KLK14: variants seen among roughly 807,000 people sequenced by gnomAD.
KLK14 encodes the protein kallikrein related peptidase 14, also known as kallikrein-14.
In KLK14, 21 loss-of-function variants were observed where a neutral mutation model predicts 24.6. That is an observed-to-expected ratio of 0.85 (90% confidence interval 0.61 to 1.23). The LOEUF (loss-of-function observed/expected upper bound fraction) is 1.23. Among genes scored for constraint, KLK14 ranks in the 50% most tolerant of loss-of-function variants. The pLI is 0.00. For synonymous variants in KLK14, 133 were observed against 139.7 expected (o/e 0.95, Z 0.34); for missense variants, 320 against 338.9 (o/e 0.94, Z 0.44).
In KLK14 at chr19:51,082,783, G is replaced by A. The variant is rs573709059; in HGVS notation, c.-84C>T. ...CAGAGAGGTAGGGACCAGAGACGAGGGGGGCGGGGCCTGCAGGCTCTGCGG... is the reference window on the plus strand; with the variant it reads ...CAGAGAGGTAGGGACCAGAGACGAGAGGGGCGGGGCCTGCAGGCTCTGCGG... On this transcript the variant is annotated 5_prime_UTR_variant, in exon 1 of 6. Transcript: ENST00000650543. The A allele has an allele frequency of 2.5e-6, 4 of 1,609,082 alleles. No homozygotes were observed. The highest frequency in any genetic ancestry group is 3.4e-5 in the Admixed American group (2 of 59,012).
Position 51,078,163 on chromosome 19 carries a change from AG to A in KLK14, c.604-5del. 6.2e-7 allele frequency: 1 copy of A among 1,613,066 alleles called. No individual in the cohort carries two copies. The highest frequency in any genetic ancestry group is 8.5e-7 in the Non-Finnish European group (1 of 1,179,614). On this transcript the variant is annotated splice_polypyrimidine_tract_variant and splice_region_variant and intron_variant, in intron 5 of 5. Coordinates refer to ENST00000650543, the MANE Select transcript of KLK14 (RefSeq NM_001369775.2). The surrounding 1 kb of genome is among the most constrained non-coding windows in gnomAD (Gnocchi z 5.0). ...CCAGGGGTCCCCCAGAGTCACCCTG[AG>A]GGGGAGGAACAGAAATGGAGACACT...
At position 51,079,522 on chromosome 19, in the gene KLK14, C is replaced by G. The variant is rs2091825829; in HGVS notation, c.393G>C (p.Glu131Asp). 2 of 1,613,814 alleles carry G rather than the reference C, an allele frequency of 1.2e-6. No individual in the cohort carries two copies. The highest frequency in any genetic ancestry group is 1.7e-5 in the Admixed American group (1 of 60,006). Residue 131 changes from glutamate (E) to aspartate (D), a missense_variant, in exon 4 of 6, where the codon GAG becomes GAC. Transcript: ENST00000650543. ...CGGGGCTGGCACAGGCCTGGGTGAC[C>G]TCAATGGGCCTGACTGCCCTCCCGA... Reference protein sequence around the residue: ...ARIGRAVRPIEVTQACASPGT... With the variant: ...ARIGRAVRPIDVTQACASPGT...
At chr19:51,083,385 GGAGA>G (rs147284214), upstream of KLK14, among the ~76,000 whole-genome samples, 7 of 136,108 alleles carry the variant, frequency 5.1e-5, no homozygotes, top group East Asian at 6.1e-4. Flanking sequence ...GTGACGGGGG[GGAGA>G]GAGAGAGAGA....
rs556767445 is a variant in KLK14 at position 51,078,240 on chromosome 19, C to CA, written c.604-82dup. ...TGGCACAGAGAACCCGAGAAGCAGA[C>CA]ACAGGGAGACAGGCAGAGACACTGG... On this transcript the variant is annotated intron_variant, in intron 5 of 5. Transcript: ENST00000650543. This position sits in a 1 kb window ranked among gnomAD's most constrained non-coding sequence, Gnocchi z 5.0. 2.7e-4 allele frequency: 383 copies of CA among 1,426,086 alleles called. 2 individuals carry two copies. In the South Asian group the frequency reaches 4.6e-3, roughly 17 times the overall value. The allele number at this position is 1,426,086 out of a possible 1,614,324, so 88.3% of individuals were successfully genotyped here.
upstream of KLK14, among the ~76,000 whole-genome samples, chr19:51,083,278 G>GAGAGAGC (rs2091851601): frequency 1.3e-5 from 1 of 79,134 alleles, no homozygotes; most frequent in Non-Finnish European, 2.6e-5. Flanking sequence ...ACGGGAGGAG[G>GAGAGAGC]GAGAGAGGGA....
At position 51,082,822 on chromosome 19, in the gene KLK14, G is replaced by A; in HGVS notation, c.-123C>T. On this transcript the variant is annotated 5_prime_UTR_variant, in exon 1 of 6. Transcript: ENST00000650543. ...CAGGCTCTGCGGGCGGCAGGTGGGA[G>A]GATGTGGAGCAGGGCACAGGTCCCT... 4 of 1,542,442 alleles carry A rather than the reference G, an allele frequency of 2.6e-6. 1 individual carries two copies. The highest frequency in any genetic ancestry group is 2.3e-5 in the South Asian group (2 of 86,860).
Position 51,078,968 on chromosome 19 carries a change from G to A in KLK14, c.467-17C>T. 1 of 1,612,360 alleles carries A rather than the reference G, an allele frequency of 6.2e-7. No individual in the cohort carries two copies. The highest frequency in any genetic ancestry group is 1.3e-5 in the African/African-American group (1 of 74,988). On this transcript the variant is annotated splice_polypyrimidine_tract_variant and intron_variant, in intron 4 of 5. Transcript: ENST00000650543. This position sits in a 1 kb window ranked among gnomAD's most constrained non-coding sequence, Gnocchi z 5.0. ...GGTACCTGGCTGGGGGACACTGCAG[G>A]GTTATAACTGGGTCTACCCTCCCAT... is the stretch of plus-strand genomic sequence containing the variant.
In KLK14 at chr19:51,082,881, G is replaced by T; in HGVS notation, c.-182C>A. The T allele has an allele frequency of 1.0e-6, 1 of 991,094 alleles. No homozygotes were observed. Among genetic ancestry groups the T allele is most frequent in the Non-Finnish European group, 1.5e-6 (1 of 657,658 alleles). The allele number at this position is 991,094 out of a possible 1,614,324, so 61.4% of individuals were successfully genotyped here. A position where few individuals can be genotyped will look rare whatever the true frequency, so the allele number is the denominator to read the frequency against. On this transcript the variant is annotated 5_prime_UTR_variant, in exon 1 of 6. Coordinates refer to ENST00000650543, the MANE Select transcript of KLK14 (RefSeq NM_001369775.2). ...TCTTGATGAAGGAAGGAGGGGAGGT[G>T]TCTCTCTTCCTAGTCACACTGGCAA... is the stretch of plus-strand genomic sequence containing the variant.
intron 3 of KLK14, among the ~76,000 whole-genome samples, chr19:51,080,042 T>G (rs925767375): frequency 7.2e-5 from 11 of 152,240 alleles, no homozygotes; most frequent in African/African-American, 2.7e-4. Flanking sequence ...GTCTAGGCTC[T>G]AAATCGGAAC....
In KLK14 at chr19:51,079,689, C is replaced by A; in HGVS notation, c.226G>T (p.Ala76Ser). The A allele has an allele frequency of 6.4e-7, 1 of 1,562,628 alleles. No individual in the cohort carries two copies. The highest frequency in any genetic ancestry group is 1.2e-5 in the South Asian group (1 of 85,788). Residue 76 changes from alanine (A) to serine (S), a missense_variant, in exon 4 of 6, where the codon GCC becomes TCC. Physicochemically the swap from Ala to Ser is moderately conservative, Grantham distance 99 (BLOSUM62 1). Transcript: ENST00000650543. Reference sequence around the variant, plus strand: ...CTCCTCAGGTTGTGCTTGCCCAGGGCAACCTGAAGGATCCTGGCCACGACC... The same window carrying A: ...CTCCTCAGGTTGTGCTTGCCCAGGGAAACCTGAAGGATCCTGGCCACGACC... ...AHCGRPILQV[A>S]LGKHNLRRWE...
At chr19:51,083,208 A>G (rs1275427235), upstream of KLK14, among the ~76,000 whole-genome samples, 4 of 151,008 alleles carry the variant, frequency 2.6e-5, no homozygotes, top group Non-Finnish European at 5.9e-5. Context: ...GGGGAGTGTC[A>G]GAGGAAAGGG....
chr19:51,081,648 G>C lies in KLK14; in HGVS notation c.96C>G (p.Thr32=). Residue 32 remains threonine, a synonymous_variant, in exon 3 of 6, where the codon ACC becomes ACG. Coordinates refer to ENST00000650543, the MANE Select transcript of KLK14 (RefSeq NM_001369775.2). ...ENKIIGGHTC[T]RSSQPWQAAL... is the part of the protein sequence containing the mutation. ...CCGCCTGCCACGGCTGGGAGCTCCG[G>C]GTGCACGTATGGCCACCAATTATCT... 6.4e-7 allele frequency: 1 copy of C among 1,552,490 alleles called. No individual in the cohort carries two copies. The highest frequency in any genetic ancestry group is 8.7e-7 in the Non-Finnish European group (1 of 1,147,308).
Position 51,081,647 on chromosome 19 carries a change from G to A in KLK14, c.97C>T (p.Arg33Trp), listed in dbSNP as rs372330432. 1.3e-4 allele frequency: 204 copies of A among 1,552,440 alleles called. No homozygotes were observed. The highest frequency in any genetic ancestry group is 1.2e-3 in the African/African-American group (87 of 73,234). Residue 33 changes from arginine (R) to tryptophan (W), a missense_variant, in exon 3 of 6, where the codon CGG becomes TGG. By Grantham distance (101) the Arg-to-Trp change is moderately radical. Transcript: ENST00000650543. ...NKIIGGHTCT[R>W]SSQPWQAALL... is the part of the protein sequence containing the mutation. ...GCCGCCTGCCACGGCTGGGAGCTCC[G>A]GGTGCACGTATGGCCACCAATTATC... is the stretch of plus-strand genomic sequence containing the variant.
intron 3 of KLK14, among the ~76,000 whole-genome samples, chr19:51,080,959 C>A (rs932062594): frequency 6.6e-6 from 1 of 152,176 alleles, no homozygotes; most frequent in Non-Finnish European, 1.5e-5. Context: ...AGGCATGAGC[C>A]ACCGCACCCG....
At chr19:51,084,007 A>T (rs1032278950), upstream of KLK14, 2 of 153,088 alleles carry the variant, frequency 1.3e-5, no homozygotes, top group African/African-American at 4.8e-5. Flanking sequence ...GGGGATGGGG[A>T]CAATGACAGA....
At chr19:51,081,977 G>A (rs1373216957) in intron 2 of KLK14, among the ~76,000 whole-genome samples, 2 of 151,822 alleles carry the variant, frequency 1.3e-5, no homozygotes, top group South Asian at 2.1e-4. Context: ...CTACATCTAC[G>A]ACCCTTAGCT....
rs1244210406 is a variant in KLK14, at chr19:51,081,538, C to G, written c.206G>C (p.Gly69Ala). 1 of 1,516,836 alleles carries G rather than the reference C, an allele frequency of 6.6e-7. No individual in the cohort carries two copies. The allele number at this position is 1,516,836 out of a possible 1,614,324, so 94.0% of individuals were successfully genotyped here. The change falls in exon 3 of 6, where the codon GGC becomes GCC. Residue 69 changes from glycine to alanine, a missense_variant. Transcript: ENST00000650543. ...AGGGGAGGGGGTCACTTACGGGCGGCCGCAGTGAGCAGCAGTGATGACCCA... is the reference window on the plus strand; with the variant it reads ...AGGGGAGGGGGTCACTTACGGGCGGGCGCAGTGAGCAGCAGTGATGACCCA... ...GQWVITAAHC[G>A]RPILQVALGK... is the part of the protein sequence containing the mutation.
In KLK14 at chr19:51,078,306, T is replaced by G. The variant is rs930067303; in HGVS notation, c.604-147A>C. 2 of 883,718 alleles carry G rather than the reference T, an allele frequency of 2.3e-6. No homozygotes were observed. The allele number at this position is 883,718 out of a possible 1,614,324, so 54.7% of individuals were successfully genotyped here. A position where few individuals can be genotyped will look rare whatever the true frequency, so the allele number is the denominator to read the frequency against. On this transcript the variant is annotated intron_variant, in intron 5 of 5. Coordinates refer to ENST00000650543, the MANE Select transcript of KLK14 (RefSeq NM_001369775.2). This position sits in a 1 kb window ranked among gnomAD's most constrained non-coding sequence, Gnocchi z 5.0. Reference sequence around the variant, plus strand: ...ACAGTCCTGCCCCAGCTCTGAGGTCTCAGCCCCGGAGGTCGGGGCACTTCC... The same window carrying G: ...ACAGTCCTGCCCCAGCTCTGAGGTCGCAGCCCCGGAGGTCGGGGCACTTCC...
chr19:51,080,962 C>T (rs1171778748), intron 3 of KLK14, among the ~76,000 whole-genome samples: 2 of 152,164 alleles, frequency 1.3e-5, no homozygotes, highest in Admixed American at 6.5e-5. Flanking sequence ...CATGAGCCAC[C>T]GCACCCGCCA....
Sources: allele counts gnomAD v4.1 joint callset (sites outside exome capture counted in the v4.1 genomes callset), GRCh38; gene constraint gnomAD v4.1.1; non-coding constraint Gnocchi (gnomAD v3.1); transcripts MANE v1.5; gene names NCBI Gene and HGNC (gene_info 2026-07-23, HGNC 2026-07-21).